PRMT3: variants seen among roughly 807,000 people sequenced by gnomAD.
The protein encoded by PRMT3 is protein arginine N-methyltransferase 3.
PRMT3 carries 62 observed loss-of-function variants against 71.9 expected under a neutral mutation model. The observed-to-expected ratio is 0.86, with a 90% CI of 0.70 to 1.07. The LOEUF (loss-of-function observed/expected upper bound fraction) is 1.07, where lower values mean the gene tolerates loss of function less well. Among genes scored for constraint, PRMT3 ranks in the 50% least tolerant of loss-of-function variants. The probability of loss-of-function intolerance (pLI) is 0.00; values close to 1 mark genes in which losing one functional copy is unlikely to be tolerated. For synonymous variants in PRMT3, 213 were observed against 220.4 expected, an observed-to-expected ratio of 0.97 and a Z score of 0.30; for missense variants, 663 against 643.0, an observed-to-expected ratio of 1.03 and a Z score of -0.34.
intron 13 of PRMT3, among the ~76,000 whole-genome samples, chr11:20,481,923 G>GGAAACATTACCGTTATGAAAAAAT (rs1555021679): frequency 5.9e-5 from 9 of 151,526 alleles, no homozygotes; most frequent in African/African-American, 2.2e-4. Context: ...TACTCTTTTT[G>GGAAACATTACCGTTATGAAAAAAT]GAAACATTAC....
chr11:20,499,182 A>T lies in PRMT3; in HGVS notation c.1486+4928A>T, dbSNP rs1851400835. 3.3e-5 allele frequency among the ~76,000 whole-genome samples: 5 copies of T among 152,378 alleles called. 1 individual carries two copies. In the South Asian group the frequency reaches 1.0e-3, roughly 32 times the overall value. On this transcript the variant is annotated intron_variant, in intron 15 of 15. Coordinates refer to ENST00000331079, the MANE Select transcript of PRMT3 (RefSeq NM_005788.4). ...AATAGAAATATTTAATGTATTGTAA[A>T]GTTTTTACACTGTATGTGAAGCAGT... is the stretch of plus-strand genomic sequence containing the variant.
At position 20,452,122 on chromosome 11, in the gene PRMT3, T is replaced by A. The variant is rs1310425957; in HGVS notation, c.994-8T>A. The A allele has an allele frequency of 1.3e-6, 2 of 1,588,988 alleles. No homozygotes were observed. Among genetic ancestry groups the A allele is most frequent in the Admixed American group, 1.7e-5 (1 of 59,684 alleles). ...TCTAAACTCTTTTTTTCCCCTTTTTTTATGCAGGGCTATTTTCTTCTGTTT... is the reference window on the plus strand; with the variant it reads ...TCTAAACTCTTTTTTTCCCCTTTTTATATGCAGGGCTATTTTCTTCTGTTT... On this transcript the variant is annotated splice_polypyrimidine_tract_variant and splice_region_variant and intron_variant, in intron 10 of 15. Transcript: ENST00000331079.
At chr11:20,491,680 G>T (rs761764245) in intron 13 of PRMT3, among the ~76,000 whole-genome samples, 2 of 151,788 alleles carry the variant, frequency 1.3e-5, no homozygotes, top group Non-Finnish European at 2.9e-5. Flanking sequence ...GTTGGTTTCG[G>T]TTTTTTTTCC....
At chr11:20,435,783 G>A (rs1027784465) in intron 10 of PRMT3, among the ~76,000 whole-genome samples, 3 of 152,106 alleles carry the variant, frequency 2.0e-5, no homozygotes, top group Non-Finnish European at 4.4e-5. Flanking sequence ...CAGCTTTGCC[G>A]TTTTTGCTCA....
At chr11:20,485,633 C>T (rs1490964592) in intron 13 of PRMT3, among the ~76,000 whole-genome samples, 1 of 151,846 alleles carries the variant, frequency 6.6e-6, no homozygotes, top group African/African-American at 2.4e-5. Context: ...AGAAAATGTC[C>T]AGAAAGAAGC....
intron 9 of PRMT3, among the ~76,000 whole-genome samples, chr11:20,417,377 C>G (rs1417562266): frequency 6.6e-6 from 1 of 151,962 alleles, no homozygotes; most frequent in Non-Finnish European, 1.5e-5. Context: ...TTTCTTCTCC[C>G]CCATAAGCTA....
In PRMT3 at chr11:20,508,543, A is replaced by G; in HGVS notation, c.*130A>G. ...TTTCCTAATGAGCCTCCTCAATAAG[A>G]GAGAAGTTCTCATTGTGGGAATCTG... On this transcript the variant is annotated 3_prime_UTR_variant, in exon 16 of 16. Coordinates refer to ENST00000331079, the MANE Select transcript of PRMT3 (RefSeq NM_005788.4). The G allele has an allele frequency of 2.8e-6, 2 of 727,010 alleles. No homozygotes were observed. The highest frequency in any genetic ancestry group is 5.0e-6 in the Non-Finnish European group (2 of 396,582). The allele number at this position is 727,010 out of a possible 1,614,324, so 45.0% of individuals were successfully genotyped here. A position where few individuals can be genotyped will look rare whatever the true frequency, so the allele number is the denominator to read the frequency against.
At position 20,494,260 on chromosome 11, in the gene PRMT3, A is replaced by G; in HGVS notation, c.1486+6A>G. On this transcript the variant is annotated splice_donor_region_variant and intron_variant, in intron 15 of 15. Coordinates refer to ENST00000331079, the MANE Select transcript of PRMT3 (RefSeq NM_005788.4). ...ACCATTTTCAGTTAAAGCAGGTGAG[A>G]AAGAATAGTAGGGGGGAAGTATCTT... The G allele has an allele frequency of 6.4e-7, 1 of 1,551,570 alleles. No homozygotes were observed. Among genetic ancestry groups the G allele is most frequent in the Non-Finnish European group, 8.9e-7 (1 of 1,125,246 alleles).
intron 13 of PRMT3, among the ~76,000 whole-genome samples, chr11:20,483,865 C>T (rs1376128244): frequency 6.6e-6 from 1 of 152,076 alleles, no homozygotes; most frequent in Non-Finnish European, 1.5e-5. Context: ...CTTTCTAATA[C>T]CATATGTATT....
At chr11:20,413,825 A>G (rs997811276) in intron 9 of PRMT3, among the ~76,000 whole-genome samples, 1 of 151,960 alleles carries the variant, frequency 6.6e-6, no homozygotes, top group African/African-American at 2.4e-5. Context: ...ATTCTTGCAT[A>G]TTGGAGTTTT....
At chr11:20,388,303 AAGG>A in intron 2 of PRMT3, 149 bp downstream of exon 2, 1 of 1,200,930 alleles carries the variant, frequency 8.3e-7, no homozygotes, top group South Asian at 1.5e-5. Flanking sequence ...GCTTGTGGAG[AAGG>A]AGGACCCTCG....
At chr11:20,428,781 T>A (rs1039590021) in intron 10 of PRMT3, among the ~76,000 whole-genome samples, 11 of 152,150 alleles carry the variant, frequency 7.2e-5, no homozygotes, top group Admixed American at 2.0e-4. Context: ...AAACACTAAA[T>A]CTCCCAAGAT....
At chr11:20,388,757 C>A (rs1848650970) in intron 2 of PRMT3, among the ~76,000 whole-genome samples, 2 of 152,240 alleles carry the variant, frequency 1.3e-5, no homozygotes, top group South Asian at 4.1e-4. Flanking sequence ...ATAATTTGCT[C>A]AAGGTCACAA....
At chr11:20,401,142 G>A (rs567514031) in intron 7 of PRMT3, among the ~76,000 whole-genome samples, 5 of 152,228 alleles carry the variant, frequency 3.3e-5, no homozygotes, top group African/African-American at 1.2e-4. Context: ...GAGCAGCAGT[G>A]CATGGCATTA....
chr11:20,451,458 A>G (rs561593431), intron 10 of PRMT3, among the ~76,000 whole-genome samples: 8 of 151,106 alleles, frequency 5.3e-5, no homozygotes, highest in African/African-American at 1.9e-4. Flanking sequence ...CGTTTCTTAA[A>G]CCTTTTTGAC....
chr11:20,390,476 A>C (rs1018535268), intron 3 of PRMT3, among the ~76,000 whole-genome samples: 7 of 152,346 alleles, frequency 4.6e-5, no homozygotes, highest in Admixed American at 3.3e-4. Flanking sequence ...GAAAAAAGAC[A>C]ATCAGCTCAA....
intron 10 of PRMT3, among the ~76,000 whole-genome samples, chr11:20,428,874 G>A (rs1849599717): frequency 1.3e-5 from 2 of 152,086 alleles, no homozygotes; most frequent in African/African-American, 4.8e-5. Flanking sequence ...TTCTTTTGTG[G>A]TTCCACTTCC....
chr11:20,448,030 A>T lies in PRMT3; in HGVS notation c.994-4100A>T, dbSNP rs1462086670. Reference sequence around the variant, plus strand: ...ACAAAGTGTTTTACTCCATTCCACAATTTTTTTTAGTGTTTTCTCCTTCCT... The same window carrying T: ...ACAAAGTGTTTTACTCCATTCCACATTTTTTTTTAGTGTTTTCTCCTTCCT... On this transcript the variant is annotated intron_variant, in intron 10 of 15. Coordinates refer to ENST00000331079, the MANE Select transcript of PRMT3 (RefSeq NM_005788.4). 2.6e-5 allele frequency among the ~76,000 whole-genome samples: 4 copies of T among 151,894 alleles called. No homozygotes were observed. In the East Asian group the frequency reaches 5.8e-4, roughly 22 times the overall value.
chr11:20,498,330 C>T (rs1269873824), intron 15 of PRMT3, among the ~76,000 whole-genome samples: 1 of 152,088 alleles, frequency 6.6e-6, no homozygotes, highest in Admixed American at 6.6e-5. Context: ...GCTCAAAACA[C>T]CAAAACATGC....
Sources: gnomAD v4.1 joint callset for allele counts (sites outside exome capture counted in the v4.1 genomes callset) on GRCh38, gnomAD v4.1.1 for gene constraint, MANE v1.5 for transcripts, NCBI Gene and HGNC (gene_info 2026-07-23, HGNC 2026-07-21) for gene names.